SETX: variants seen among roughly 807,000 people sequenced by gnomAD.
The protein encoded by SETX is helicase senataxin.
SETX carries 90 observed loss-of-function variants against 227.2 expected under a neutral mutation model. The ratio of observed to expected loss-of-function variants is 0.40; its 90% CI spans 0.33 to 0.47. The LOEUF is 0.47. Ranked by LOEUF, SETX falls within the 20% of genes least tolerant of loss-of-function variation. The pLI is 0.91. For missense variants in SETX, 3,052 were observed against 3,181.5 expected, an observed-to-expected ratio of 0.96 and a Z score of 0.98; for synonymous variants, 1,210 against 1,113.2, an observed-to-expected ratio of 1.09 and a Z score of -1.73.
Position 132,265,939 on chromosome 9 carries a change from A to C in SETX, c.7288-954T>G, listed in dbSNP as rs538043627. On this transcript the variant is annotated intron_variant, in intron 25 of 25. Coordinates refer to ENST00000224140, the MANE Select transcript of SETX (RefSeq NM_015046.7). ...AAACATCTTCATCCACCGAGATCTCAAGATATCATCTCACTTTCTGCCTGT... is the reference window on the plus strand; with the variant it reads ...AAACATCTTCATCCACCGAGATCTCCAGATATCATCTCACTTTCTGCCTGT... Among the ~76,000 whole-genome samples the C allele has an allele frequency of 1.6e-4, 24 of 152,254 alleles. 1 individual carries two copies. The South Asian group carries it at 4.8e-3, about 30-fold the overall frequency.
chr9:132,327,166 C>T lies in SETX; in HGVS notation c.4432G>A (p.Ala1478Thr), dbSNP rs759545112. The T allele has an allele frequency of 1.2e-5, 20 of 1,614,056 alleles. No homozygotes were observed. The highest frequency in any genetic ancestry group is 1.7e-5 in the Non-Finnish European group (20 of 1,180,048). ...TCAGGCTCTCCTTCTTTCAAAGCTGCCATCTCTATATGACGTGCTGTTGGA... is the reference window on the plus strand; with the variant it reads ...TCAGGCTCTCCTTCTTTCAAAGCTGTCATCTCTATATGACGTGCTGTTGGA... The part of the protein sequence containing the change: ...GDPTARHIEM[A>T]ALKEGEPDSS... The change falls in exon 10 of 26, where the codon GCA (alanine) becomes ACA (threonine). Residue 1478 changes from alanine to threonine, a missense_variant. Around this residue, in one of 10 missense-constraint regions of SETX, gnomAD observed 1,483 missense variants for 1,312.0 expected, o/e 1.13. Coordinates refer to ENST00000224140, the MANE Select transcript of SETX (RefSeq NM_015046.7).
intron 24 of SETX, among the ~76,000 whole-genome samples, chr9:132,271,466 G>A (rs1184655320): frequency 6.6e-6 from 1 of 152,216 alleles, no homozygotes; most frequent in Non-Finnish European, 1.5e-5. Flanking sequence ...TCGGGAGGCT[G>A]ATGCAGAAGA....
chr9:132,341,890 G>A (rs1847994690), intron 5 of SETX, among the ~76,000 whole-genome samples: 1 of 151,984 alleles, frequency 6.6e-6, no homozygotes, highest in South Asian at 2.1e-4. Flanking sequence ...TCCATTGCTG[G>A]TCCACAGAAA....
chr9:132,354,418 C>G (rs1010138858), intron 1 of SETX, among the ~76,000 whole-genome samples: 1 of 150,678 alleles, frequency 6.6e-6, no homozygotes, highest in Non-Finnish European at 1.5e-5. Flanking sequence ...ATCGCTGGAG[C>G]CCAGGAAGAC....
At chr9:132,347,180 A>G (rs905047258) in intron 3 of SETX, among the ~76,000 whole-genome samples, 1 of 150,624 alleles carries the variant, frequency 6.6e-6, no homozygotes, top group Non-Finnish European at 1.5e-5. Context: ...TGAACCCAGG[A>G]GGCGGAGGTT....
intron 1 of SETX, among the ~76,000 whole-genome samples, chr9:132,354,573 G>A (rs1160753168): frequency 6.6e-6 from 1 of 151,736 alleles, no homozygotes; most frequent in East Asian, 1.9e-4. Flanking sequence ...CGTGTGGAGG[G>A]AACCGACACT....
chr9:132,279,460 A>G (rs1451774183), intron 20 of SETX, among the ~76,000 whole-genome samples: 1 of 152,230 alleles, frequency 6.6e-6, no homozygotes, highest in Non-Finnish European at 1.5e-5. Flanking sequence ...ATAACCCTGA[A>G]GTAAAAATGT....
intron 23 of SETX, among the ~76,000 whole-genome samples, chr9:132,274,095 T>A (rs1276491868): frequency 6.6e-6 from 1 of 152,216 alleles, no homozygotes; most frequent in African/African-American, 2.4e-5. Context: ...TTTCATATGT[T>A]GAAGCAATCT....
At chr9:132,355,559 CGCT>C (rs1205022772), upstream of SETX, among the ~76,000 whole-genome samples, 4 of 152,194 alleles carry the variant, frequency 2.6e-5, no homozygotes, top group African/African-American at 4.8e-5. Context: ...GTAAATCCCT[CGCT>C]GGTGCGGTGG....
In SETX at chr9:132,263,329, CA is replaced by C. The variant is rs1842482277; in HGVS notation, c.*909del. ...TGGAAAACTAGTTAGATCTGTCTGA[CA>C]ATCTGTAAGCTGAGGCGATTCTTCC... On this transcript the variant is annotated 3_prime_UTR_variant, in exon 26 of 26. Coordinates refer to ENST00000224140, the MANE Select transcript of SETX (RefSeq NM_015046.7). The C allele has an allele frequency of 6.6e-6, 1 of 152,214 alleles. No individual in the cohort carries two copies. The highest frequency in any genetic ancestry group is 6.5e-5 in the Admixed American group (1 of 15,274). The allele number at this position is 152,214 out of a possible 1,614,324, so 9.4% of individuals were successfully genotyped here.
intron 13 of SETX, 115 bp from the exon 14 acceptor site, chr9:132,297,169 G>T: frequency 1.1e-6 from 1 of 872,084 alleles, no homozygotes; most frequent in Non-Finnish European, 1.8e-6. Context: ...CAAAAGCTTT[G>T]GTTATGGTCA....
chr9:132,324,691 TCAC>T (rs1017530425), intron 10 of SETX, among the ~76,000 whole-genome samples: 2 of 152,204 alleles, frequency 1.3e-5, no homozygotes, highest in African/African-American at 4.8e-5. Context: ...CCTGTCTTGT[TCAC>T]CACTTTATCT....
chr9:132,295,944 C>T lies in SETX; in HGVS notation c.6034G>A (p.Ala2012Thr). Residue 2012 changes from alanine to threonine, a missense_variant, in exon 15 of 26, where the codon GCT (alanine) becomes ACT (threonine). Ala to Thr is a moderately conservative substitution (Grantham distance 58). This residue lies in a region of SETX where 412 missense variants were observed against 589.0 expected (regional missense o/e 0.70). Coordinates refer to ENST00000224140, the MANE Select transcript of SETX (RefSeq NM_015046.7). ...RVLVCAPSNAAVDELMKKIIL... is the reference protein window; with the variant it reads ...RVLVCAPSNATVDELMKKIIL... The stretch of plus-strand genomic sequence containing the variant: ...ATTTTTTTCATGAGTTCATCAACAG[C>T]TGCATTGGAAGGTGCACACACGAGG... The T allele has an allele frequency of 6.2e-7, 1 of 1,614,148 alleles. No homozygotes were observed. The highest frequency in any genetic ancestry group is 8.5e-7 in the Non-Finnish European group (1 of 1,180,026).
chr9:132,350,953 GAC>G (rs759845284), intron 2 of SETX, among the ~76,000 whole-genome samples: 26 of 152,174 alleles, frequency 1.7e-4, no homozygotes, highest in Admixed American at 3.3e-4. Context: ...GCCCTTTCCT[GAC>G]ACAAACTCTA....
intron 15 of SETX, among the ~76,000 whole-genome samples, chr9:132,294,272 C>T (rs1375106972): frequency 6.6e-6 from 1 of 152,084 alleles, no homozygotes. Flanking sequence ...CTCTTGAACC[C>T]CCACATTTTC....
At chr9:132,354,170 A>C (rs2131594288) in intron 1 of SETX, among the ~76,000 whole-genome samples, 1 of 152,304 alleles carries the variant, frequency 6.6e-6, no homozygotes, top group African/African-American at 2.4e-5. Flanking sequence ...GTTGGGGAGG[A>C]CGGACAAAGT....
At chr9:132,291,159 CTTTTT>C (rs139976052) in intron 15 of SETX, among the ~76,000 whole-genome samples, 3 of 83,820 alleles carry the variant, frequency 3.6e-5, no homozygotes, top group African/African-American at 5.3e-5. Flanking sequence ...GTTTGAAAAC[CTTTTT>C]TTTTTTTTTT....
chr9:132,285,663 C>A (rs1219241318), intron 18 of SETX, among the ~76,000 whole-genome samples: 1 of 151,556 alleles, frequency 6.6e-6, no homozygotes, highest in Non-Finnish European at 1.5e-5. Flanking sequence ...GGGCGGATCA[C>A]AACGTCATGA....
At chr9:132,293,363 T>A (rs769361281) in intron 15 of SETX, among the ~76,000 whole-genome samples, 47 of 151,938 alleles carry the variant, frequency 3.1e-4, no homozygotes, top group Non-Finnish European at 5.7e-4. Context: ...ATAGTGAAAA[T>A]GAAAGTACTG....
Sources: gnomAD v4.1 joint callset for allele counts (sites outside exome capture counted in the v4.1 genomes callset) on GRCh38, gnomAD v4.1.1 for gene constraint, gnomAD v4.1.1 regional missense constraint, MANE v1.5 for transcripts, NCBI Gene and HGNC (gene_info 2026-07-23, HGNC 2026-07-21) for gene names.